The following GALNT7 variants were observed in gnomAD, a reference collection of about 807,000 sequenced individuals.
The protein encoded by GALNT7 is polypeptide N-acetylgalactosaminyltransferase 7, also known as N-acetylgalactosaminyltransferase 7.
GALNT7 carries 60 observed loss-of-function variants against 82.1 expected under a neutral mutation model. That is an observed-to-expected ratio of 0.73 (90% CI 0.59 to 0.91). The LOEUF is 0.91. Ranked by LOEUF, GALNT7 falls within the 40% of genes least tolerant of loss-of-function variation. GALNT7 has a pLI of 0.00. For missense variants in GALNT7, 660 were observed against 804.2 expected (o/e 0.82, Z 2.17); for synonymous variants, 243 against 275.1 (o/e 0.88, Z 1.15).
At chr4:173,184,334 C>T (rs182039922) in intron 1 of GALNT7, among the ~76,000 whole-genome samples, 215 of 152,226 alleles carry the variant, frequency 1.4e-3, no homozygotes, top group African/African-American at 5.1e-3. Context: ...AGCGAGACTC[C>T]GTCTGCAATC....
chr4:173,293,581 G>T (rs528786850), intron 3 of GALNT7, among the ~76,000 whole-genome samples: 1 of 152,302 alleles, frequency 6.6e-6, no homozygotes, highest in South Asian at 2.1e-4. Flanking sequence ...GAGCTAACTC[G>T]TAATAGCACT....
At chr4:173,299,290 A>G (rs1391923628) in intron 6 of GALNT7, among the ~76,000 whole-genome samples, 1 of 152,038 alleles carries the variant, frequency 6.6e-6, no homozygotes, top group Non-Finnish European at 1.5e-5. Context: ...CATTTACCAA[A>G]TTTTTTTTGG....
intron 8 of GALNT7, among the ~76,000 whole-genome samples, chr4:173,310,235 C>T (rs1737329119): frequency 1.3e-5 from 2 of 152,210 alleles, no homozygotes; most frequent in Admixed American, 6.5e-5. Context: ...TGACCTTTAA[C>T]TTTTCCTCAA....
chr4:173,186,984 C>T (rs1321534305), intron 1 of GALNT7, among the ~76,000 whole-genome samples: 2 of 152,084 alleles, frequency 1.3e-5, no homozygotes, highest in South Asian at 2.1e-4. Flanking sequence ...TCTCGATCTC[C>T]TGACCTCGTG....
At chr4:173,220,712 T>C (rs1173436229) in intron 1 of GALNT7, among the ~76,000 whole-genome samples, 1 of 141,048 alleles carries the variant, frequency 7.1e-6, no homozygotes, top group Non-Finnish European at 1.5e-5. Context: ...CCACGTGTTC[T>C]CATTGTTCAG....
At chr4:173,169,536 G>A (rs1731775458) in intron 1 of GALNT7, 1 of 151,680 alleles carries the variant, frequency 6.6e-6, no homozygotes, top group Admixed American at 6.6e-5. Context: ...GGGAGTGGGA[G>A]GGCGATGGCG....
At chr4:173,178,053 G>GCGCGCA (rs376020182) in intron 1 of GALNT7, among the ~76,000 whole-genome samples, 1 of 92,514 alleles carries the variant, frequency 1.1e-5, no homozygotes, top group East Asian at 4.0e-4. Flanking sequence ...GTGTGTGTGT[G>GCGCGCA]CGCGCACGCG....
chr4:173,317,314 C>T, intron 9 of GALNT7: 2 of 249,318 alleles, frequency 8.0e-6, no homozygotes, highest in South Asian at 4.3e-5. Context: ...TGGTTAGGTT[C>T]TCTATTTGCT....
chr4:173,208,823 A>T (rs1733182199), intron 1 of GALNT7, among the ~76,000 whole-genome samples: 2 of 152,324 alleles, frequency 1.3e-5, no homozygotes, highest in South Asian at 4.1e-4. Context: ...AAATTTTAAA[A>T]TTTTTATGTG....
chr4:173,178,160 CAT>C (rs1235324046), intron 1 of GALNT7, among the ~76,000 whole-genome samples: 1 of 151,904 alleles, frequency 6.6e-6, no homozygotes, highest in Non-Finnish European at 1.5e-5. Context: ...TTTTTTTACT[CAT>C]GTCTGAAATC....
chr4:173,258,974 A>T (rs1231139669), intron 2 of GALNT7, among the ~76,000 whole-genome samples: 2 of 152,328 alleles, frequency 1.3e-5, no homozygotes, highest in Middle Eastern at 6.8e-3. Context: ...CTTTGTTGAC[A>T]GTTCTTTGTC....
chr4:173,318,105 T>C (rs1192534164), intron 10 of GALNT7, among the ~76,000 whole-genome samples: 1 of 152,226 alleles, frequency 6.6e-6, no homozygotes, highest in Non-Finnish European at 1.5e-5. Flanking sequence ...GCCAGTAATG[T>C]ATATTTCACT....
At position 173,250,458 on chromosome 4, in the gene GALNT7, A is replaced by G. The variant is rs114274333; in HGVS notation, c.587+2018A>G. 8.7e-3 allele frequency among the ~76,000 whole-genome samples: 1,329 copies of G among 152,188 alleles called. 25 individuals are homozygous for G. Among genetic ancestry groups the G allele is most frequent in the African/African-American group, 0.029 (1,207 of 41,520 alleles). On this transcript the variant is annotated intron_variant, in intron 2 of 11. Transcript: ENST00000265000. ...TGCCTTCCTCCCCTTCACCCCTCAC[A>G]TCCAGTCCATCAGCAAGGCCCCTTG... is the stretch of plus-strand genomic sequence containing the variant.
chr4:173,172,417 T>C (rs1385321993), intron 1 of GALNT7, among the ~76,000 whole-genome samples: 1 of 152,228 alleles, frequency 6.6e-6, no homozygotes, highest in Non-Finnish European at 1.5e-5. Flanking sequence ...TTAGTGCACA[T>C]GCTGGAGCCC....
chr4:173,229,900 G>T (rs1352449226), intron 1 of GALNT7, among the ~76,000 whole-genome samples: 1 of 151,636 alleles, frequency 6.6e-6, no homozygotes, highest in Non-Finnish European at 1.5e-5. Flanking sequence ...TGGAGGTTCT[G>T]TTCCAACTTT....
rs1359494355 is a variant in GALNT7, at chr4:173,304,047, C to T, written c.1318C>T (p.His440Tyr). ...ATTTGTTCCTTGTTCTCGTGTTGGA[C>T]ATATCTACCGTCTTGAGGGCTGGCA... Reference protein sequence around the residue: ...LLFVPCSRVGHIYRLEGWQGN... With the variant: ...LLFVPCSRVGYIYRLEGWQGN... The change falls in exon 8 of 12, where the codon CAT becomes TAT. Residue 440 changes from histidine (H) to tyrosine (Y), a missense_variant. Physicochemically the swap from His to Tyr is moderately conservative, Grantham distance 83 (BLOSUM62 2). Coordinates refer to ENST00000265000, the MANE Select transcript of GALNT7 (RefSeq NM_017423.3). The T allele has an allele frequency of 1.2e-6, 2 of 1,611,256 alleles. No homozygotes were observed. Among genetic ancestry groups the T allele is most frequent in the South Asian group, 1.1e-5 (1 of 91,010 alleles).
intron 2 of GALNT7, among the ~76,000 whole-genome samples, chr4:173,250,381 T>C (rs1262928213): frequency 1.3e-5 from 2 of 152,134 alleles, no homozygotes; most frequent in African/African-American, 4.8e-5. Flanking sequence ...ATAAGAAAAT[T>C]AAATGATGTA....
chr4:173,269,640 A>C (rs1228766921), intron 2 of GALNT7, among the ~76,000 whole-genome samples: 1 of 152,186 alleles, frequency 6.6e-6, no homozygotes, highest in Non-Finnish European at 1.5e-5. Flanking sequence ...AAATGGTTGG[A>C]TGCTGTATTG....
At chr4:173,179,251 G>C (rs1037085852) in intron 1 of GALNT7, among the ~76,000 whole-genome samples, 14 of 152,086 alleles carry the variant, frequency 9.2e-5, no homozygotes, top group African/African-American at 3.1e-4. Flanking sequence ...AACTTTTTTG[G>C]AGCGAGTTCA....
Sources: allele counts gnomAD v4.1 joint callset (sites outside exome capture counted in the v4.1 genomes callset), GRCh38; gene constraint gnomAD v4.1.1; transcripts MANE v1.5; gene names NCBI Gene and HGNC (gene_info 2026-07-23, HGNC 2026-07-21).